CCDC170: variants seen among roughly 807,000 people sequenced by gnomAD.
CCDC170 encodes the protein coiled-coil domain-containing protein 170.
A neutral mutation model predicts 72.6 loss-of-function variants in CCDC170; 69 were observed. The ratio of observed to expected loss-of-function variants is 0.95; its 90% CI spans 0.78 to 1.16. The LOEUF (loss-of-function observed/expected upper bound fraction) is 1.16. Ranked by LOEUF, CCDC170 falls within the 50% of genes most tolerant of loss-of-function variation. The probability of loss-of-function intolerance (pLI) is 0.00; values close to 1 mark genes in which losing one functional copy is unlikely to be tolerated. For synonymous variants in CCDC170, 300 were observed against 303.9 expected (o/e 0.99, Z 0.13); for missense variants, 852 against 832.5 (o/e 1.02, Z -0.29).
intron 1 of CCDC170, among the ~76,000 whole-genome samples, chr6:151,494,969 C>T (rs1268397519): frequency 1.3e-5 from 2 of 152,214 alleles, no homozygotes; most frequent in Non-Finnish European, 2.9e-5. Context: ...GAATTGTGTT[C>T]AGCTCAACTG....
chr6:151,580,850 A>G (rs569891894), intron 6 of CCDC170, among the ~76,000 whole-genome samples: 1 of 152,362 alleles, frequency 6.6e-6, no homozygotes, highest in Admixed American at 6.5e-5. Context: ...CGACAAAGCA[A>G]GTGTCACAAT....
At chr6:151,560,009 T>C (rs933497361) in intron 5 of CCDC170, among the ~76,000 whole-genome samples, 12 of 152,204 alleles carry the variant, frequency 7.9e-5, no homozygotes, top group African/African-American at 2.9e-4. Flanking sequence ...TTCTTGTTTT[T>C]GTAGTTCCAT....
At chr6:151,528,567 G>A (rs1417399909) in intron 1 of CCDC170, among the ~76,000 whole-genome samples, 1 of 152,104 alleles carries the variant, frequency 6.6e-6, no homozygotes, top group African/African-American at 2.4e-5. Flanking sequence ...AAGCATAGGT[G>A]GGGTGTGGTG....
At chr6:151,556,981 A>G (rs1009729921) in intron 5 of CCDC170, among the ~76,000 whole-genome samples, 4 of 152,102 alleles carry the variant, frequency 2.6e-5, no homozygotes, top group Admixed American at 2.0e-4. Flanking sequence ...AGAACATGTG[A>G]TATTTGTCTT....
intron 6 of CCDC170, among the ~76,000 whole-genome samples, chr6:151,575,465 A>G (rs916016063): frequency 1.3e-4 from 19 of 148,384 alleles, no homozygotes; most frequent in Non-Finnish European, 2.7e-4. Flanking sequence ...AAATTCACGC[A>G]TACTCTAGGA....
chr6:151,608,571 G>A (rs1776820156), intron 9 of CCDC170, among the ~76,000 whole-genome samples: 1 of 152,126 alleles, frequency 6.6e-6, no homozygotes, highest in Admixed American at 6.5e-5. Flanking sequence ...TTCTTTAGCT[G>A]TAATCAATGT....
intron 6 of CCDC170, among the ~76,000 whole-genome samples, chr6:151,582,466 T>A (rs577140796): frequency 1.3e-5 from 2 of 152,354 alleles, no homozygotes; most frequent in South Asian, 4.1e-4. Context: ...CTTAAGGGAA[T>A]GTTATGGCTG....
At chr6:151,538,948 TAC>T (rs1479304059) in intron 3 of CCDC170, among the ~76,000 whole-genome samples, 1 of 152,132 alleles carries the variant, frequency 6.6e-6, no homozygotes, top group Non-Finnish European at 1.5e-5. Context: ...TACTTCCACT[TAC>T]AGCAAAAACT....
intron 6 of CCDC170, among the ~76,000 whole-genome samples, chr6:151,583,574 C>T (rs529038543): frequency 6.6e-6 from 1 of 152,218 alleles, no homozygotes; most frequent in South Asian, 2.1e-4. Context: ...TCTCCTGCCT[C>T]AGCCTTCCAA....
Position 151,585,972 on chromosome 6 carries a change from GA to G in CCDC170, c.1177del (p.Arg393GlyfsTer16), listed in dbSNP as rs767655726. The G allele has an allele frequency of 5.0e-6, 8 of 1,614,002 alleles. No homozygotes were observed. Among genetic ancestry groups the G allele is most frequent in the Non-Finnish European group, 2.5e-6 (3 of 1,179,998 alleles). On this transcript the variant is annotated frameshift_variant, in exon 7 of 11. Coordinates refer to ENST00000239374, the MANE Select transcript of CCDC170 (RefSeq NM_025059.4). LOFTEE classifies it high-confidence loss of function. ...ESGFHQKALQ[R>X]AQKAENMLET... is the part of the protein sequence containing the mutation. ...CTGGGTTTCACCAGAAAGCTCTCCA[GA>G]GGGCCCAGAAAGCAGAGAATATGTT...
At chr6:151,602,493 T>C (rs1367730734) in intron 9 of CCDC170, among the ~76,000 whole-genome samples, 2 of 152,222 alleles carry the variant, frequency 1.3e-5, no homozygotes, top group Non-Finnish European at 2.9e-5. Context: ...GGTTTGGCTC[T>C]GTGTCCCTAC....
chr6:151,617,512 A>G (rs1776989525), intron 10 of CCDC170, among the ~76,000 whole-genome samples: 1 of 137,518 alleles, frequency 7.3e-6, no homozygotes, highest in Non-Finnish European at 1.5e-5. Flanking sequence ...CCATGGGCAC[A>G]ACCCCACCAA....
At chr6:151,538,962 C>G (rs1024300835) in intron 3 of CCDC170, among the ~76,000 whole-genome samples, 2 of 152,108 alleles carry the variant, frequency 1.3e-5, no homozygotes, top group Non-Finnish European at 2.9e-5. Context: ...GCAAAAACTC[C>G]TTAAACATTG....
chr6:151,503,249 T>TAG (rs1043676349), intron 1 of CCDC170, among the ~76,000 whole-genome samples: 4 of 152,114 alleles, frequency 2.6e-5, no homozygotes, highest in Admixed American at 1.3e-4. Context: ...AAGGTAATTT[T>TAG]AGAGTGTTAA....
chr6:151,567,046 C>G (rs936176861), intron 5 of CCDC170, among the ~76,000 whole-genome samples: 2 of 152,042 alleles, frequency 1.3e-5, no homozygotes, highest in African/African-American at 4.8e-5. Context: ...TCAGCTTCCC[C>G]AGTAGCTAGG....
chr6:151,563,834 G>T (rs533607613), intron 5 of CCDC170, among the ~76,000 whole-genome samples: 152 of 152,294 alleles, frequency 1.0e-3, no homozygotes, highest in African/African-American at 3.5e-3. Context: ...TTTCTGTGGG[G>T]CTCTGAGCTT....
At chr6:151,496,778 C>T (rs2115014221) in intron 1 of CCDC170, among the ~76,000 whole-genome samples, 1 of 152,328 alleles carries the variant, frequency 6.6e-6, no homozygotes, top group Non-Finnish European at 1.5e-5. Flanking sequence ...TCATCTGTGA[C>T]ATCTTGGTCA....
At chr6:151,572,742 C>A (rs1458001272) in intron 5 of CCDC170, among the ~76,000 whole-genome samples, 2 of 149,588 alleles carry the variant, frequency 1.3e-5, no homozygotes, top group East Asian at 2.0e-4. Flanking sequence ...CTCCACCTCC[C>A]AGGTTCAAGC....
chr6:151,592,545 A>AG (rs1208552414), intron 7 of CCDC170, among the ~76,000 whole-genome samples: 2 of 152,174 alleles, frequency 1.3e-5, no homozygotes, highest in African/African-American at 4.8e-5. Flanking sequence ...GCCAAGCAAA[A>AG]GGGGTTTTCC....
Sources: allele counts gnomAD v4.1 joint callset (sites outside exome capture counted in the v4.1 genomes callset), GRCh38; gene constraint gnomAD v4.1.1; transcripts MANE v1.5; gene names NCBI Gene and HGNC (gene_info 2026-07-23, HGNC 2026-07-21).